Variants in ZC3H14 observed in about 807,000 individuals in gnomAD.
ZC3H14 encodes the protein zinc finger CCCH domain-containing protein 14.
ZC3H14 carries 31 observed loss-of-function variants against 92.4 expected under a neutral mutation model. The observed-to-expected ratio is 0.34, with a 90% confidence interval of 0.25 to 0.45. ZC3H14 has a LOEUF of 0.45. Ranked by LOEUF, ZC3H14 falls within the 20% of genes least tolerant of loss-of-function variation. The pLI, the probability that ZC3H14 is intolerant of heterozygous loss-of-function variation, is 1.00. For missense variants in ZC3H14, 781 were observed against 897.3 expected, an observed-to-expected ratio of 0.87 and a Z score of 1.66; for synonymous variants, 321 against 300.9, an observed-to-expected ratio of 1.07 and a Z score of -0.69.
rs1243480074 is a variant in ZC3H14 at position 88,627,499 on chromosome 14, T to G, written c.*15748T>G. Reference sequence around the variant, plus strand: ...CTGGGCTTTTAAAGTGAAATATACCTACAGTACCACTGTGTACAGTATATT... The same window carrying G: ...CTGGGCTTTTAAAGTGAAATATACCGACAGTACCACTGTGTACAGTATATT... On this transcript the variant is annotated 3_prime_UTR_variant, in exon 17 of 17. Coordinates refer to ENST00000251038, the MANE Select transcript of ZC3H14 (RefSeq NM_024824.5). The G allele has an allele frequency of 4.3e-6, 3 of 703,688 alleles. No individual in the cohort carries two copies. Among genetic ancestry groups the G allele is most frequent in the Non-Finnish European group, 4.4e-6 (2 of 453,226 alleles). The allele number at this position is 703,688 out of a possible 1,614,324, so 43.6% of individuals were successfully genotyped here. A position where few individuals can be genotyped will look rare whatever the true frequency, so the allele number is the denominator to read the frequency against.
chr14:88,596,972 T>A (rs1026563325), intron 10 of ZC3H14, among the ~76,000 whole-genome samples, 164 bp downstream of exon 10: 4 of 152,180 alleles, frequency 2.6e-5, no homozygotes, highest in Admixed American at 2.6e-4. Context: ...CTGCATTTCT[T>A]TCATGTTATA....
chr14:88,609,253 T>G lies in ZC3H14; in HGVS notation c.1869-14T>G. On this transcript the variant is annotated splice_polypyrimidine_tract_variant and intron_variant, in intron 13 of 16. Transcript: ENST00000251038. The stretch of plus-strand genomic sequence containing the variant: ...AAGATTGAATATGAAATATGCTTTT[T>G]TTTTGTTTTGTAGAGCCTTCCCCAA... The G allele has an allele frequency of 1.7e-5, 27 of 1,610,288 alleles. No individual in the cohort carries two copies. Among genetic ancestry groups the G allele is most frequent in the Non-Finnish European group, 2.3e-5 (27 of 1,177,370 alleles).
At chr14:88,570,799 T>C (rs974543756) in intron 3 of ZC3H14, among the ~76,000 whole-genome samples, 2 of 152,182 alleles carry the variant, frequency 1.3e-5, no homozygotes, top group African/African-American at 4.8e-5. Flanking sequence ...TTCATACCAT[T>C]TATTCACTAA....
In ZC3H14 at chr14:88,622,541, G is replaced by T; in HGVS notation, c.*10790G>T. ...GTTCATTAGGCTGCAAAGGGTGAGG[G>T]AATCACAGTAATAACCACTTTCTGT... On this transcript the variant is annotated 3_prime_UTR_variant, in exon 17 of 17. Transcript: ENST00000251038. The T allele has an allele frequency of 7.8e-7, 1 of 1,281,628 alleles. No homozygotes were observed. The highest frequency in any genetic ancestry group is 1.7e-5 in the South Asian group (1 of 58,696). 79.4% of individuals were successfully genotyped at this position (1,281,628 alleles called of 1,614,324 possible).
chr14:88,591,081 G>A (rs1216886966), intron 9 of ZC3H14: 1 of 152,122 alleles, frequency 6.6e-6, no homozygotes, highest in Non-Finnish European at 1.5e-5. Context: ...TTTTAAGTAT[G>A]TATACCAATA....
intron 13 of ZC3H14, 135 bp from the exon 14 acceptor site, chr14:88,609,132 A>G: frequency 1.9e-6 from 2 of 1,059,360 alleles, no homozygotes; most frequent in Admixed American, 4.8e-5. Flanking sequence ...TTATTTTAAA[A>G]TATTCTTTTT....
chr14:88,609,686 A>G, intron 14 of ZC3H14, 26 bp from the exon 15 acceptor site: 1 of 1,612,888 alleles, frequency 6.2e-7, no homozygotes, highest in Non-Finnish European at 8.5e-7. Context: ...CAGATTGGAG[A>G]TCAGTCCTGG....
rs2089748304 is a variant in ZC3H14 at position 88,625,268 on chromosome 14, T to C, written c.*13517T>C. On this transcript the variant is annotated 3_prime_UTR_variant, in exon 17 of 17. Coordinates refer to ENST00000251038, the MANE Select transcript of ZC3H14 (RefSeq NM_024824.5). ...TCGTGTAGTGGCAGCAGCACTGAAT[T>C]CACGAGTCAGGAAACCTGAACGGGA... 1 of 982,630 alleles carries C rather than the reference T, an allele frequency of 1.0e-6. No individual in the cohort carries two copies. Among genetic ancestry groups the C allele is most frequent in the African/African-American group, 1.7e-5 (1 of 60,108 alleles). The allele number at this position is 982,630 out of a possible 1,614,324, so 60.9% of individuals were successfully genotyped here. A position where few individuals can be genotyped will look rare whatever the true frequency, so the allele number is the denominator to read the frequency against.
rs915950790 is a variant in ZC3H14 at position 88,610,742 on chromosome 14, GAC to G, written c.2098-90_2098-89del. On this transcript the variant is annotated intron_variant, in intron 15 of 16. Transcript: ENST00000251038. ...CATGCCACTTCACTCCAGCCTGGGT[GAC>G]AGAGTGAGACCCTGTCTCAAATAAT... 4.6e-6 allele frequency: 6 copies of G among 1,292,524 alleles called. No homozygotes were observed. The African/African-American group carries it at 8.8e-5, about 19-fold the overall frequency. 80.1% of individuals were successfully genotyped at this position (1,292,524 alleles called of 1,614,324 possible). A position where few individuals can be genotyped will look rare whatever the true frequency, so the allele number is the denominator to read the frequency against.
chr14:88,583,951 T>A (rs550597043), intron 9 of ZC3H14, among the ~76,000 whole-genome samples: 1 of 152,218 alleles, frequency 6.6e-6, no homozygotes, highest in African/African-American at 2.4e-5. Flanking sequence ...CTTGTACTTA[T>A]ATCAAGTTTT....
Position 88,617,916 on chromosome 14 carries a change from G to A in ZC3H14, c.*6165G>A, listed in dbSNP as rs2088000487. ...TCCTTTAGATAGAGAATTAATAACA[G>A]TTGCTTAACAGCACCCAATACCTTT... On this transcript the variant is annotated 3_prime_UTR_variant, in exon 17 of 17. Coordinates refer to ENST00000251038, the MANE Select transcript of ZC3H14 (RefSeq NM_024824.5). 2 of 192,718 alleles carry A rather than the reference G, an allele frequency of 1.0e-5. No homozygotes were observed. Among genetic ancestry groups the A allele is most frequent in the African/African-American group, 4.7e-5 (2 of 42,508 alleles). The allele number at this position is 192,718 out of a possible 1,614,324, so 11.9% of individuals were successfully genotyped here. A position where few individuals can be genotyped will look rare whatever the true frequency, so the allele number is the denominator to read the frequency against.
chr14:88,563,541 G>A, intron 1 of ZC3H14, 110 bp from the exon 2 acceptor site: 1 of 1,581,978 alleles, frequency 6.3e-7, no homozygotes. Flanking sequence ...GCCCCCGCCC[G>A]GGGGATCCGA....
Position 88,615,999 on chromosome 14 carries a change from A to G in ZC3H14, c.*4248A>G. ...TTTATTCTGTATTTGCATAAATATG[A>G]GATTCTGAAGAGCCATCTGGTTATA... is the stretch of plus-strand genomic sequence containing the variant. On this transcript the variant is annotated 3_prime_UTR_variant, in exon 17 of 17. Coordinates refer to ENST00000251038, the MANE Select transcript of ZC3H14 (RefSeq NM_024824.5). The G allele has an allele frequency of 8.0e-7, 1 of 1,253,936 alleles. No homozygotes were observed. The highest frequency in any genetic ancestry group is 1.5e-5 in the African/African-American group (1 of 66,864). The allele number at this position is 1,253,936 out of a possible 1,614,324, so 77.7% of individuals were successfully genotyped here.
Position 88,611,812 on chromosome 14 carries a change from A to T in ZC3H14, c.*61A>T, listed in dbSNP as rs2086843280. On this transcript the variant is annotated 3_prime_UTR_variant, in exon 17 of 17. Coordinates refer to ENST00000251038, the MANE Select transcript of ZC3H14 (RefSeq NM_024824.5). ...GGAAGTTTTCATGTACTGATGAAAG[A>T]TACTCTACAGAACTTGTCAAATCTT... 17 of 1,607,952 alleles carry T rather than the reference A, an allele frequency of 1.1e-5. No homozygotes were observed. The highest frequency in any genetic ancestry group is 1.4e-5 in the Non-Finnish European group (16 of 1,174,894).
intron 13 of ZC3H14, 152 bp downstream of exon 13, chr14:88,607,515 C>T (rs2085639533): frequency 3.5e-6 from 3 of 857,188 alleles, no homozygotes; most frequent in Non-Finnish European, 5.6e-6. Context: ...TGAGTACCAT[C>T]CCATCTCACC....
chr14:88,563,086 G>A lies in ZC3H14; in HGVS notation c.-48G>A, dbSNP rs752594288. ...GGGTAGGAGTCCGCGGCAGCCTCCGGGTAAGCCAAGCGCCGCGCAGTGCTG... is the reference window on the plus strand; with the variant it reads ...GGGTAGGAGTCCGCGGCAGCCTCCGAGTAAGCCAAGCGCCGCGCAGTGCTG... On this transcript the variant is annotated 5_prime_UTR_variant, in exon 1 of 17. Coordinates refer to ENST00000251038, the MANE Select transcript of ZC3H14 (RefSeq NM_024824.5). 4.1e-5 allele frequency: 64 copies of A among 1,557,540 alleles called. No homozygotes were observed. Among genetic ancestry groups the A allele is most frequent in the Non-Finnish European group, 4.8e-5 (56 of 1,158,528 alleles).
At position 88,623,679 on chromosome 14, in the gene ZC3H14, T is replaced by C. The variant is rs1034710153; in HGVS notation, c.*11928T>C. On this transcript the variant is annotated 3_prime_UTR_variant, in exon 17 of 17. Transcript: ENST00000251038. ...CGCCCACCTCGGCCTCCCAAAGTGT[T>C]GGGATTACAGGCGTGAGCCACTGCA... The C allele has an allele frequency of 2.6e-5, 4 of 152,296 alleles. No individual in the cohort carries two copies. Among genetic ancestry groups the C allele is most frequent in the African/African-American group, 9.6e-5 (4 of 41,454 alleles). 9.4% of individuals were successfully genotyped at this position (152,296 alleles called of 1,614,324 possible).
chr14:88,567,984 T>A (rs2079918289), intron 2 of ZC3H14, 55 bp from the exon 3 acceptor site: 4 of 1,444,032 alleles, frequency 2.8e-6, no homozygotes, highest in Non-Finnish European at 2.9e-6. Context: ...CACATCAACT[T>A]TAAGAAGAAA....
intron 9 of ZC3H14, among the ~76,000 whole-genome samples, chr14:88,583,858 C>T (rs991639724): frequency 6.6e-6 from 1 of 152,174 alleles, no homozygotes; most frequent in African/African-American, 2.4e-5. Flanking sequence ...CTTGACCTTG[C>T]TGAGTTTTTG....
Sources: allele counts gnomAD v4.1 joint callset (sites outside exome capture counted in the v4.1 genomes callset), GRCh38; gene constraint gnomAD v4.1.1; transcripts MANE v1.5; gene names NCBI Gene and HGNC (gene_info 2026-07-23, HGNC 2026-07-21).